VCAN: variants seen among roughly 807,000 people sequenced by gnomAD.
VCAN encodes versican.
In VCAN, 44 loss-of-function variants were observed where a neutral mutation model predicts 245.5. That is an observed-to-expected ratio of 0.18 (90% CI 0.14 to 0.23). The LOEUF (loss-of-function observed/expected upper bound fraction) is 0.23. Ranked by LOEUF, VCAN falls within the 10% of genes least tolerant of loss-of-function variation. VCAN has a pLI of 1.00. For missense variants in VCAN, 3,793 were observed against 4,057.9 expected (o/e 0.93, Z 1.77); for synonymous variants, 1,413 against 1,437.0 (o/e 0.98, Z 0.38).
chr5:83,506,232 C>G (rs1297094635), intron 5 of VCAN, among the ~76,000 whole-genome samples: 1 of 152,200 alleles, frequency 6.6e-6, no homozygotes, highest in Non-Finnish European at 1.5e-5. Context: ...TTTTCCTTTT[C>G]TACTGCATAG....
chr5:83,485,231 C>A (rs1018345156), intron 2 of VCAN, among the ~76,000 whole-genome samples: 1 of 152,066 alleles, frequency 6.6e-6, no homozygotes, highest in Non-Finnish European at 1.5e-5. Flanking sequence ...GTGCTCTTTA[C>A]CACCATGTTA....
chr5:83,486,763 G>T (rs972212097), intron 2 of VCAN, among the ~76,000 whole-genome samples: 1 of 152,128 alleles, frequency 6.6e-6, no homozygotes, highest in Admixed American at 6.5e-5. Flanking sequence ...CCTATTCTTT[G>T]TAAATCCATG....
chr5:83,537,335 G>T lies in VCAN; in HGVS notation c.4332G>T (p.Ser1444=). Residue 1444 remains serine, a synonymous_variant, in exon 8 of 15, where the codon TCG becomes TCT. Transcript: ENST00000265077. ...FESVAPSQNF[S]DSSESDTHPF... ...GTGTTGCACCTTCTCAGAATTTCTC[G>T]GACAGCTCTGAAAGTGATACTCATC... is the stretch of plus-strand genomic sequence containing the variant. The T allele has an allele frequency of 1.2e-6, 2 of 1,613,896 alleles. No homozygotes were observed. Among genetic ancestry groups the T allele is most frequent in the Non-Finnish European group, 1.7e-6 (2 of 1,179,938 alleles).
At chr5:83,510,000 T>C (rs1325853027) in intron 5 of VCAN, among the ~76,000 whole-genome samples, 2 of 152,224 alleles carry the variant, frequency 1.3e-5, no homozygotes, top group African/African-American at 2.4e-5. Context: ...ACAAATCTTA[T>C]TGAATACATA....
In VCAN at chr5:83,581,270, G is replaced by C. The variant is rs1274606786; in HGVS notation, c.*836G>C. The C allele has an allele frequency of 7.2e-6, 1 of 139,426 alleles. No individual in the cohort carries two copies. The highest frequency in any genetic ancestry group is 7.6e-5 in the Admixed American group (1 of 13,114). The allele number at this position is 139,426 out of a possible 1,614,324, so 8.6% of individuals were successfully genotyped here. On this transcript the variant is annotated 3_prime_UTR_variant, in exon 15 of 15. Transcript: ENST00000265077. ...GTTACCGATCAATGCATTTCATACG[G>C]ATATAGACCTAGGGCTCTGGAGGGT...
At position 83,541,812 on chromosome 5, in the gene VCAN, G is replaced by C. The variant is rs160277; in HGVS notation, c.8809G>C (p.Asp2937His). 6.2e-7 allele frequency: 1 copy of C among 1,613,698 alleles called. No homozygotes were observed. Among genetic ancestry groups the C allele is most frequent in the Non-Finnish European group, 8.5e-7 (1 of 1,179,912 alleles). The change falls in exon 8 of 15, where the codon GAT becomes CAT. Residue 2937 changes from aspartate (D) to histidine (H), a missense_variant. This residue lies in a region of VCAN where 3,182 missense variants were observed against 3,250.3 expected (regional missense o/e 0.98). Coordinates refer to ENST00000265077, the MANE Select transcript of VCAN (RefSeq NM_004385.5). ...TCTCCAAGATTTCCAAAACAAAACC[G>C]ATGGTCAAGTTTCTGGAGAAGCAAT... ...EILQDFQNKT[D>H]GQVSGEAIKM...
At chr5:83,532,153 T>TG (rs1201347596) in intron 7 of VCAN, among the ~76,000 whole-genome samples, 1 of 152,080 alleles carries the variant, frequency 6.6e-6, no homozygotes, top group Non-Finnish European at 1.5e-5. Context: ...GTAGCACAGG[T>TG]GTACCCCCCA....
intron 6 of VCAN, among the ~76,000 whole-genome samples, chr5:83,513,378 A>G (rs76238610): frequency 0.02 from 2,987 of 152,342 alleles, 75 homozygotes; most frequent in East Asian, 0.095. Flanking sequence ...AAAATGTACT[A>G]GCTTATTATA....
rs1746129369 is a variant in VCAN at position 83,522,075 on chromosome 5, C to T, written c.3769C>T (p.His1257Tyr). The change falls in exon 7 of 15, where the codon CAT becomes TAT. Residue 1257 changes from histidine (H) to tyrosine (Y), a missense_variant. By Grantham distance (83) the His-to-Tyr change is moderately conservative. Transcript: ENST00000265077. Reference sequence around the variant, plus strand: ...GGTAATCATTGGAGAATCAACATCTCATGTTCCTCCCACTACCCTTGAAGA... The same window carrying T: ...GGTAATCATTGGAGAATCAACATCTTATGTTCCTCCCACTACCCTTGAAGA... ...DMVIIGESTSHVPPTTLEDIV... is the reference protein window; with the variant it reads ...DMVIIGESTSYVPPTTLEDIV... 6.2e-7 allele frequency: 1 copy of T among 1,614,204 alleles called. No homozygotes were observed. The highest frequency in any genetic ancestry group is 8.5e-7 in the Non-Finnish European group (1 of 1,180,022).
At chr5:83,579,417 C>G (rs186110893) in intron 13 of VCAN, among the ~76,000 whole-genome samples, 1 of 152,180 alleles carries the variant, frequency 6.6e-6, no homozygotes, top group East Asian at 1.9e-4. Flanking sequence ...GTGCCCACCA[C>G]CATGCCTGGC....
At chr5:83,568,548 C>T (rs554757155) in intron 12 of VCAN, among the ~76,000 whole-genome samples, 65 of 151,932 alleles carry the variant, frequency 4.3e-4, no homozygotes, top group African/African-American at 1.5e-3. Flanking sequence ...GCATGGAGTC[C>T]GAATCTCATT....
intron 6 of VCAN, among the ~76,000 whole-genome samples, chr5:83,516,841 C>T (rs1745873154): frequency 6.6e-6 from 1 of 152,066 alleles, no homozygotes; most frequent in South Asian, 2.1e-4. Context: ...AAATTATTTC[C>T]TTTTGTGGAA....
intron 7 of VCAN, among the ~76,000 whole-genome samples, chr5:83,533,545 A>G (rs992577240): frequency 1.3e-5 from 2 of 152,138 alleles, no homozygotes; most frequent in African/African-American, 4.8e-5. Flanking sequence ...ATCAATGAGC[A>G]TCTGAAGAGA....
chr5:83,511,315 T>C (rs1354242740), intron 5 of VCAN, among the ~76,000 whole-genome samples: 1 of 151,876 alleles, frequency 6.6e-6, no homozygotes. Flanking sequence ...GGTGTCTTTG[T>C]AAGAATTAGC....
chr5:83,580,020 C>T lies in VCAN; in HGVS notation c.9921C>T (p.Thr3307=). The change falls in exon 14 of 15, where the codon ACC becomes ACT. Residue 3307 remains threonine, a synonymous_variant. Coordinates refer to ENST00000265077, the MANE Select transcript of VCAN (RefSeq NM_004385.5). ...GQPPVVENAK[T]FGKMKPRYEI... ...CCCCTGTTGTAGAAAATGCCAAGAC[C>T]TTTGGAAAGATGAAACCTCGTTATG... The T allele has an allele frequency of 6.2e-7, 1 of 1,614,094 alleles. No homozygotes were observed. Among genetic ancestry groups the T allele is most frequent in the South Asian group, 1.1e-5 (1 of 91,086 alleles).
intron 10 of VCAN, among the ~76,000 whole-genome samples, chr5:83,549,614 G>A (rs796238872): frequency 3.3e-5 from 5 of 152,246 alleles, no homozygotes; most frequent in Admixed American, 1.3e-4. Context: ...ACAGATTTTT[G>A]GAAGGGACTT....
At chr5:83,528,887 A>G (rs1746404844) in intron 7 of VCAN, among the ~76,000 whole-genome samples, 1 of 151,832 alleles carries the variant, frequency 6.6e-6, no homozygotes, top group Non-Finnish European at 1.5e-5. Flanking sequence ...TTTCTCTGTC[A>G]GAATTTTTAA....
rs776655704 is a variant in VCAN at position 83,490,380 on chromosome 5, T to C, written c.353T>C (p.Val118Ala). Residue 118 changes from valine (V) to alanine (A), a missense_variant, in exon 3 of 15, where the codon GTC (valine) becomes GCC (alanine). Coordinates refer to ENST00000265077, the MANE Select transcript of VCAN (RefSeq NM_004385.5). ...GTGGGCGATGCCTCCCTCACTGTGGTCAAGCTGCTGGCAAGTGATGCGGGT... is the reference window on the plus strand; with the variant it reads ...GTGGGCGATGCCTCCCTCACTGTGGCCAAGCTGCTGGCAAGTGATGCGGGT... ...EAVGDASLTV[V>A]KLLASDAGLY... The C allele has an allele frequency of 7.4e-6, 12 of 1,614,148 alleles. No homozygotes were observed. In the East Asian group the frequency reaches 2.7e-4, roughly 36 times the overall value.
At chr5:83,509,065 A>AG (rs199699430) in intron 5 of VCAN, among the ~76,000 whole-genome samples, 2,548 of 84,550 alleles carry the variant, frequency 0.03, 82 homozygotes, top group African/African-American at 0.11. Context: ...AAAGAAAGAA[A>AG]AGAAAGAAAG....
Sources: gnomAD v4.1 joint callset for allele counts (sites outside exome capture counted in the v4.1 genomes callset) on GRCh38, gnomAD v4.1.1 for gene constraint, gnomAD v4.1.1 regional missense constraint, MANE v1.5 for transcripts, NCBI Gene and HGNC (gene_info 2026-07-23, HGNC 2026-07-21) for gene names.